The following FUT9 variants were observed in gnomAD, a reference collection of about 807,000 sequenced individuals.
FUT9 encodes the protein fucosyltransferase 9, also known as 4-galactosyl-N-acetylglucosaminide 3-alpha-L-fucosyltransferase 9.
Under a neutral mutation model 29.7 loss-of-function variants are expected in FUT9, and 15 were observed. The ratio of observed to expected loss-of-function variants is 0.51; its 90% CI spans 0.34 to 0.78. FUT9 has a LOEUF of 0.78. Ranked by LOEUF, FUT9 falls within the 30% of genes least tolerant of loss-of-function variation. FUT9 has a pLI of 0.01. For synonymous variants in FUT9, 169 were observed against 153.7 expected (o/e 1.10, Z -0.74); for missense variants, 319 against 425.4 (o/e 0.75, Z 2.20).
At chr6:96,091,046 C>T (rs1454620184) in intron 1 of FUT9, among the ~76,000 whole-genome samples, 1 of 151,930 alleles carries the variant, frequency 6.6e-6, no homozygotes, top group African/African-American at 2.4e-5. Context: ...GGGGAGGAGG[C>T]TATTTACCCC....
intron 1 of FUT9, among the ~76,000 whole-genome samples, chr6:96,102,852 T>G (rs1771610746): frequency 6.6e-6 from 1 of 152,190 alleles, no homozygotes; most frequent in South Asian, 2.1e-4. Context: ...GAGAATAGTT[T>G]AAACTTAGTT....
intron 2 of FUT9, among the ~76,000 whole-genome samples, chr6:96,179,718 T>C (rs1007311569): frequency 2.0e-5 from 3 of 150,890 alleles, no homozygotes; most frequent in Middle Eastern, 3.2e-3. Context: ...AAGAAAATGA[T>C]AATGAGTGAA....
intron 2 of FUT9, among the ~76,000 whole-genome samples, chr6:96,192,749 A>G (rs1350244192): frequency 6.6e-6 from 1 of 152,094 alleles, no homozygotes; most frequent in Non-Finnish European, 1.5e-5. Context: ...CACCAAGTCA[A>G]TCCTAAGCCA....
In FUT9 at chr6:96,196,491, A is replaced by G. The variant is rs540473072; in HGVS notation, c.-8-6657A>G. ...CACTTTGGGAGGTTGAGGCGGGCAG[A>G]TCATGAGGTCAGGAGATCGCGATCA... On this transcript the variant is annotated intron_variant, in intron 2 of 2. Coordinates refer to ENST00000302103, the MANE Select transcript of FUT9 (RefSeq NM_006581.4). Among the ~76,000 whole-genome samples, 4 of 152,202 alleles carry G rather than the reference A, an allele frequency of 2.6e-5. No individual in the cohort carries two copies. The South Asian group carries it at 8.3e-4, about 32-fold the overall frequency.
intron 2 of FUT9, among the ~76,000 whole-genome samples, chr6:96,126,327 A>C (rs539674396): frequency 6.6e-6 from 1 of 151,732 alleles, no homozygotes; most frequent in East Asian, 1.9e-4. Flanking sequence ...ACAGGGAGCA[A>C]GCAAGAAGAA....
chr6:96,170,043 T>G (rs1338055173), intron 2 of FUT9, among the ~76,000 whole-genome samples: 1 of 152,144 alleles, frequency 6.6e-6, no homozygotes, highest in Non-Finnish European at 1.5e-5. Context: ...AATTAGATAC[T>G]GAAAAATGCT....
At chr6:96,148,918 G>A (rs1249459549) in intron 2 of FUT9, among the ~76,000 whole-genome samples, 4 of 152,122 alleles carry the variant, frequency 2.6e-5, no homozygotes, top group Non-Finnish European at 5.9e-5. Context: ...ACTTTGGGAG[G>A]CAGAGGTGGG....
At chr6:96,024,725 G>C (rs1026812964) in intron 1 of FUT9, among the ~76,000 whole-genome samples, 1 of 151,542 alleles carries the variant, frequency 6.6e-6, no homozygotes, top group African/African-American at 2.4e-5. Flanking sequence ...TCTCTGCACA[G>C]TGTTGATAAC....
chr6:96,157,157 TC>T (rs1772801314), intron 2 of FUT9, among the ~76,000 whole-genome samples: 1 of 152,202 alleles, frequency 6.6e-6, no homozygotes, highest in Non-Finnish European at 1.5e-5. Flanking sequence ...TGTGTGTTTT[TC>T]TAGGATTTCT....
chr6:96,081,748 A>T (rs1771241908), intron 1 of FUT9, among the ~76,000 whole-genome samples: 1 of 151,932 alleles, frequency 6.6e-6, no homozygotes, highest in African/African-American at 2.4e-5. Context: ...GATTATGCCA[A>T]ACTATTAAGT....
rs1773961087 is a variant in FUT9 at position 96,212,688 on chromosome 6, T to G, written c.*8453T>G. 2 of 213,004 alleles carry G rather than the reference T, an allele frequency of 9.4e-6. No individual in the cohort carries two copies. Among genetic ancestry groups the G allele is most frequent in the Non-Finnish European group, 2.0e-5 (2 of 99,420 alleles). The allele number at this position is 213,004 out of a possible 1,614,324, so 13.2% of individuals were successfully genotyped here. A position where few individuals can be genotyped will look rare whatever the true frequency, so the allele number is the denominator to read the frequency against. On this transcript the variant is annotated 3_prime_UTR_variant, in exon 3 of 3. Transcript: ENST00000302103. ...AGAAATGCAACTGGTCAAAATTACT[T>G]GAATGAAATTGTTGAGGTTAAACAT...
chr6:96,079,379 T>A (rs1771197927), intron 1 of FUT9, among the ~76,000 whole-genome samples: 1 of 152,204 alleles, frequency 6.6e-6, no homozygotes. Context: ...ACTCTCGAAG[T>A]TAAGTCAGTT....
chr6:96,068,588 G>A (rs918833295), intron 1 of FUT9, among the ~76,000 whole-genome samples: 2 of 152,100 alleles, frequency 1.3e-5, no homozygotes, highest in Non-Finnish European at 2.9e-5. Flanking sequence ...CTATCGCATT[G>A]ATTAGCATCT....
chr6:96,117,722 A>C (rs188642253), intron 2 of FUT9, among the ~76,000 whole-genome samples: 43 of 152,330 alleles, frequency 2.8e-4, no homozygotes, highest in African/African-American at 1.0e-3. Context: ...CTTGTACCAC[A>C]TCAAGAAGTC....
intron 2 of FUT9, among the ~76,000 whole-genome samples, chr6:96,141,787 C>T (rs1002568261): frequency 1.1e-4 from 16 of 152,184 alleles, no homozygotes; most frequent in African/African-American, 3.9e-4. Context: ...CTTGCTAGGG[C>T]TTATCCCACT....
chr6:96,033,232 T>C (rs777057685), intron 1 of FUT9, among the ~76,000 whole-genome samples: 29 of 151,742 alleles, frequency 1.9e-4, no homozygotes, highest in Non-Finnish European at 3.8e-4. Flanking sequence ...CAAGCTTTGT[T>C]CTAAGATTTT....
At chr6:96,122,459 C>T (rs1772047526) in intron 2 of FUT9, among the ~76,000 whole-genome samples, 2 of 152,130 alleles carry the variant, frequency 1.3e-5, no homozygotes, top group African/African-American at 4.8e-5. Flanking sequence ...AGAATCCAAC[C>T]ACCACAGAAA....
chr6:96,104,455 T>C (rs1228543554), intron 1 of FUT9, among the ~76,000 whole-genome samples: 2 of 152,220 alleles, frequency 1.3e-5, no homozygotes, highest in Non-Finnish European at 1.5e-5. Flanking sequence ...ATATGAAGGA[T>C]AGATATAAAA....
intron 1 of FUT9, among the ~76,000 whole-genome samples, chr6:96,027,747 T>A (rs1415516600): frequency 6.6e-6 from 1 of 151,622 alleles, no homozygotes; most frequent in African/African-American, 2.4e-5. Context: ...CTTTTATTCT[T>A]TATTTGTTGG....
Sources: allele counts gnomAD v4.1 joint callset (sites outside exome capture counted in the v4.1 genomes callset), GRCh38; gene constraint gnomAD v4.1.1; transcripts MANE v1.5; gene names NCBI Gene and HGNC (gene_info 2026-07-23, HGNC 2026-07-21).